SAR1B: variants seen among roughly 807,000 people sequenced by gnomAD.
SAR1B encodes secretion associated Ras related GTPase 1B, also known as small COPII coat GTPase SAR1B.
A neutral mutation model predicts 26.8 loss-of-function variants in SAR1B; 23 were observed. The ratio of observed to expected loss-of-function variants is 0.86; its 90% CI spans 0.62 to 1.22. The LOEUF (loss-of-function observed/expected upper bound fraction) is 1.22. SAR1B is among the 50% of genes most tolerant of loss of function. SAR1B has a pLI of 0.00. For synonymous variants in SAR1B, 65 were observed against 80.8 expected, an observed-to-expected ratio of 0.80 and a Z score of 1.05; for missense variants, 196 against 232.8, an observed-to-expected ratio of 0.84 and a Z score of 1.03.
In SAR1B at chr5:134,604,015, A is replaced by G. The variant is rs370049242; in HGVS notation, c.*2935T>C. Reference sequence around the variant, plus strand: ...AGATACTGGTTTAAACCAACAGTGAATAATTTTTTTTCATATACTTTAGGA... The same window carrying G: ...AGATACTGGTTTAAACCAACAGTGAGTAATTTTTTTTCATATACTTTAGGA... On this transcript the variant is annotated 3_prime_UTR_variant, in exon 7 of 7. Coordinates refer to ENST00000402673, the MANE Select transcript of SAR1B (RefSeq NM_016103.4). The G allele has an allele frequency of 3.3e-5, 5 of 152,196 alleles. No homozygotes were observed. The East Asian group carries it at 7.7e-4, about 23-fold the overall frequency. The allele number at this position is 152,196 out of a possible 1,614,324, so 9.4% of individuals were successfully genotyped here.
intron 6 of SAR1B, 69 bp downstream of exon 6, chr5:134,608,303 T>G: frequency 6.9e-7 from 1 of 1,446,366 alleles, no homozygotes; most frequent in Non-Finnish European, 9.4e-7. Flanking sequence ...AGTTGGACAA[T>G]AGTAATTTAA....
At chr5:134,620,463 A>C (rs1168847181) in intron 3 of SAR1B, among the ~76,000 whole-genome samples, 1 of 152,208 alleles carries the variant, frequency 6.6e-6, no homozygotes, top group Non-Finnish European at 1.5e-5. Context: ...GTACTAATTC[A>C]AGATCTAAAT....
chr5:134,627,229 T>G (rs1765508065), intron 1 of SAR1B, among the ~76,000 whole-genome samples: 1 of 151,874 alleles, frequency 6.6e-6, no homozygotes. Context: ...TTTTTTATAT[T>G]TTTAGTAGCG....
Position 134,602,636 on chromosome 5 carries a change from T to C in SAR1B, c.*4314A>G, listed in dbSNP as rs771043337. On this transcript the variant is annotated 3_prime_UTR_variant, in exon 7 of 7. Coordinates refer to ENST00000402673, the MANE Select transcript of SAR1B (RefSeq NM_016103.4). ...GCTCATGTGTATAATCCCAGCACTTTGGGAGGCCGAGGCGAGTGGATCACT... is the reference window on the plus strand; with the variant it reads ...GCTCATGTGTATAATCCCAGCACTTCGGGAGGCCGAGGCGAGTGGATCACT... 1 of 152,170 alleles carries C rather than the reference T, an allele frequency of 6.6e-6. No homozygotes were observed. The allele number at this position is 152,170 out of a possible 1,614,324, so 9.4% of individuals were successfully genotyped here.
intron 4 of SAR1B, among the ~76,000 whole-genome samples, chr5:134,610,625 C>A (rs1049673634): frequency 7.2e-6 from 1 of 137,968 alleles, no homozygotes; most frequent in Non-Finnish European, 1.5e-5. Flanking sequence ...GCCTGCCCAG[C>A]TACTTGGGAG....
In SAR1B at chr5:134,631,069, A is replaced by T. The variant is rs1009584444; in HGVS notation, c.-19+1659T>A. 9.7e-4 allele frequency among the ~76,000 whole-genome samples: 140 copies of T among 144,696 alleles called. 4 individuals carry two copies. Among genetic ancestry groups the T allele is most frequent in the Non-Finnish European group, 3.5e-4 (23 of 65,756 alleles). 94.9% of individuals were successfully genotyped at this position (144,696 alleles called of 152,430 possible). On this transcript the variant is annotated intron_variant, in intron 1 of 6. Transcript: ENST00000402673. ...CTAGCCAGGGCCCTGCACCCAGCAA[A>T]TTTTTTTTTTTTTAATGTAGAGACT...
chr5:134,609,178 C>A, intron 5 of SAR1B: 1 of 446,400 alleles, frequency 2.2e-6, no homozygotes. Flanking sequence ...TCTGCTCACT[C>A]CTGGGAGTAG....
intron 3 of SAR1B, among the ~76,000 whole-genome samples, chr5:134,617,066 A>G (rs186805135): frequency 1.3e-5 from 2 of 152,234 alleles, no homozygotes; most frequent in East Asian, 3.9e-4. Context: ...CCCTATCTCT[A>G]CAAATAAATT....
chr5:134,612,679 A>AAAAAAAT lies in SAR1B; in HGVS notation c.244+11_244+12insATTTTTT. The AAAAAAAT allele has an allele frequency of 1.2e-5, 12 of 991,762 alleles. No individual in the cohort carries two copies. Among genetic ancestry groups the AAAAAAAT allele is most frequent in the Non-Finnish European group, 1.7e-5 (12 of 712,496 alleles). 61.4% of individuals were successfully genotyped at this position (991,762 alleles called of 1,614,324 possible). A position where few individuals can be genotyped will look rare whatever the true frequency, so the allele number is the denominator to read the frequency against. ...AAAAAAAAAAAAAAAAAAAAAAAAA[A>AAAAAAAT]AAGAATCTTACCTTGAACATGTCCA... On this transcript the variant is annotated intron_variant, in intron 4 of 6. Transcript: ENST00000402673.
chr5:134,628,820 AT>A, intron 1 of SAR1B, among the ~76,000 whole-genome samples: 1 of 151,934 alleles, frequency 6.6e-6, no homozygotes, highest in African/African-American at 2.4e-5. Flanking sequence ...AGCCCAGCTA[AT>A]TTTTTTGTAT....
At chr5:134,621,650 G>A (rs1765410489) in intron 2 of SAR1B, among the ~76,000 whole-genome samples, 1 of 152,118 alleles carries the variant, frequency 6.6e-6, no homozygotes, top group Non-Finnish European at 1.5e-5. Context: ...GGTATTGATT[G>A]ATAGATAAAT....
chr5:134,630,065 C>T (rs1006155666), intron 1 of SAR1B, among the ~76,000 whole-genome samples: 11 of 152,000 alleles, frequency 7.2e-5, no homozygotes, highest in African/African-American at 2.7e-4. Flanking sequence ...GAGTTCGAGA[C>T]CAGCCTGGCC....
At chr5:134,626,493 T>C (rs1765496764) in intron 1 of SAR1B, among the ~76,000 whole-genome samples, 1 of 151,960 alleles carries the variant, frequency 6.6e-6, no homozygotes, top group Non-Finnish European at 1.5e-5. Flanking sequence ...CACAACACCA[T>C]GAACACACTA....
chr5:134,609,734 A>G, intron 4 of SAR1B, 60 bp from the exon 5 acceptor site: 1 of 1,304,212 alleles, frequency 7.7e-7, no homozygotes, highest in Non-Finnish European at 1.1e-6. Flanking sequence ...AGATGGTTTA[A>G]GCAAAGAGTC....
rs1193075817 is a variant in SAR1B at position 134,620,970 on chromosome 5, A to G, written c.141T>C (p.Asp47=). ...TTGGGACATGTTGTCCAAGTCTGTC[A>G]TCTTTTAGCATGTGTAGCAATGTTG... ...GKTTLLHMLK[D]DRLGQHVPTL... The change falls in exon 3 of 7, where the codon GAT becomes GAC. Residue 47 remains aspartate (D), a synonymous_variant. Transcript: ENST00000402673. 1.9e-6 allele frequency: 3 copies of G among 1,613,540 alleles called. No homozygotes were observed. Among genetic ancestry groups the G allele is most frequent in the African/African-American group, 1.3e-5 (1 of 74,916 alleles).
chr5:134,612,752 G>A lies in SAR1B; in HGVS notation c.183C>T (p.Ser61=), dbSNP rs769067083. 67 of 1,573,364 alleles carry A rather than the reference G, an allele frequency of 4.3e-5. No individual in the cohort carries two copies. The highest frequency in any genetic ancestry group is 5.0e-5 in the Non-Finnish European group (58 of 1,158,736). ...TCATGCCAGCAATGGTCAGTTCTTC[G>A]GAAGCTAAATAAGATTTTAAAATAT... ...GQHVPTLHPT[S]EELTIAGMTF... is the part of the protein sequence containing the mutation. The change falls in exon 4 of 7, where the codon TCC becomes TCT. Residue 61 remains serine, a synonymous_variant. Coordinates refer to ENST00000402673, the MANE Select transcript of SAR1B (RefSeq NM_016103.4).
chr5:134,630,379 C>T (rs1391874331), intron 1 of SAR1B, among the ~76,000 whole-genome samples: 3 of 149,180 alleles, frequency 2.0e-5, no homozygotes, highest in Non-Finnish European at 4.4e-5. Flanking sequence ...CGCTTGAACC[C>T]AGGAGGCAGA....
chr5:134,612,792 T>TAGA, intron 3 of SAR1B, 36 bp from the exon 4 acceptor site: 2 of 1,557,330 alleles, frequency 1.3e-6, no homozygotes, highest in Non-Finnish European at 1.8e-6. Flanking sequence ...ACATGAAAAT[T>TAGA]AGAAACCCAT....
At position 134,604,089 on chromosome 5, in the gene SAR1B, T is replaced by C. The variant is rs1765090361; in HGVS notation, c.*2861A>G. The C allele has an allele frequency of 6.6e-6, 1 of 152,210 alleles. No homozygotes were observed. The highest frequency in any genetic ancestry group is 2.4e-5 in the African/African-American group (1 of 41,460). 9.4% of individuals were successfully genotyped at this position (152,210 alleles called of 1,614,324 possible). ...ATGCTATAATCTCCATTCTAAAAAT[T>C]CACTGAGATAAACTGAAATCTATCA... On this transcript the variant is annotated 3_prime_UTR_variant, in exon 7 of 7. Transcript: ENST00000402673.
Sources: gnomAD v4.1 joint callset for allele counts (sites outside exome capture counted in the v4.1 genomes callset) on GRCh38, gnomAD v4.1.1 for gene constraint, MANE v1.5 for transcripts, NCBI Gene and HGNC (gene_info 2026-07-23, HGNC 2026-07-21) for gene names.